Variants in GLDC observed in about 807,000 individuals in gnomAD.
GLDC encodes glycine decarboxylase, also known as glycine dehydrogenase (decarboxylating), mitochondrial.
Under a neutral mutation model 121.3 loss-of-function variants are expected in GLDC, and 104 were observed. The ratio of observed to expected loss-of-function variants is 0.86; its 90% confidence interval spans 0.73 to 1.01. The LOEUF (loss-of-function observed/expected upper bound fraction) is 1.01. Ranked by LOEUF, GLDC falls within the 50% of genes least tolerant of loss-of-function variation. The pLI is 0.00. For synonymous variants in GLDC, 546 were observed against 480.6 expected (o/e 1.14, Z -1.78); for missense variants, 1,429 against 1,306.6 (o/e 1.09, Z -1.44).
rs199516238 is a variant in GLDC at position 6,592,233 on chromosome 9, C to T, written c.1402-10G>A. On this transcript the variant is annotated splice_polypyrimidine_tract_variant and intron_variant, in intron 10 of 24. Transcript: ENST00000321612. ...CAAGAGAAATACCAAGCTACAGAAA[C>T]ACAAACAAAATGGAAAACATCAACT... is the stretch of plus-strand genomic sequence containing the variant. 2.6e-6 allele frequency: 4 copies of T among 1,553,558 alleles called. No homozygotes were observed. Among genetic ancestry groups the T allele is most frequent in the Non-Finnish European group, 3.6e-6 (4 of 1,125,828 alleles).
At chr9:6,610,581 T>C (rs1418517018) in intron 3 of GLDC, among the ~76,000 whole-genome samples, 4 of 152,152 alleles carry the variant, frequency 2.6e-5, no homozygotes, top group African/African-American at 9.7e-5. Context: ...TTTCTATCTC[T>C]CTGGTGTTGT....
intron 19 of GLDC, 49 bp from the exon 20 acceptor site, chr9:6,553,558 A>C: frequency 6.3e-7 from 1 of 1,587,048 alleles, no homozygotes; most frequent in Non-Finnish European, 8.7e-7. Flanking sequence ...GATTCAGTTT[A>C]ATCTAATGGG....
At chr9:6,567,128 T>TA (rs1817869858) in intron 15 of GLDC, 1 of 146,972 alleles carries the variant, frequency 6.8e-6, no homozygotes. Context: ...TTAGCTAAAA[T>TA]AAAAAATAAA....
chr9:6,645,269 CTCTCTCTGG>C lies in GLDC; in HGVS notation c.222_230del (p.Asp74_Arg76del). 1 of 1,601,618 alleles carries C rather than the reference CTCTCTCTGG, an allele frequency of 6.2e-7. No homozygotes were observed. Among genetic ancestry groups the C allele is most frequent in the Non-Finnish European group, 8.5e-7 (1 of 1,174,080 alleles). On this transcript the variant is annotated inframe_deletion, in exon 1 of 25. Coordinates refer to ENST00000321612, the MANE Select transcript of GLDC (RefSeq NM_000170.3). ...CCGCCAGCCCCAAGGTCTGCAGCAT[CTCTCTCTGG>C]TCTTTGTCCCCAGGGCCGATGTGCC...
intron 15 of GLDC, among the ~76,000 whole-genome samples, chr9:6,575,905 T>G (rs1181534587): frequency 2.6e-5 from 4 of 152,072 alleles, no homozygotes; most frequent in Admixed American, 6.5e-5. Flanking sequence ...CAGTGGGAAA[T>G]GAAAAGGTAA....
In GLDC at chr9:6,589,093, A is replaced by T. The variant is rs1020615473; in HGVS notation, c.1580+102T>A. On this transcript the variant is annotated intron_variant, in intron 12 of 24. Transcript: ENST00000321612. ...TACTTGGGAGCCACGGCTGAGCCAG[A>T]ATAACCAGGCCACAGCAGGCGAAAT... 4 of 806,742 alleles carry T rather than the reference A, an allele frequency of 5.0e-6. No homozygotes were observed. The African/African-American group carries it at 5.0e-5, about 10-fold the overall frequency. The allele number at this position is 806,742 out of a possible 1,614,324, so 50.0% of individuals were successfully genotyped here. A position where few individuals can be genotyped will look rare whatever the true frequency, so the allele number is the denominator to read the frequency against.
intron 2 of GLDC, among the ~76,000 whole-genome samples, chr9:6,637,635 T>G (rs1376297389): frequency 6.6e-6 from 1 of 151,834 alleles, no homozygotes; most frequent in Non-Finnish European, 1.5e-5. Context: ...GCCAGCTAAT[T>G]TTTGTATTTT....
intron 15 of GLDC, among the ~76,000 whole-genome samples, chr9:6,583,779 T>C (rs1254660321): frequency 1.3e-5 from 2 of 152,172 alleles, no homozygotes; most frequent in African/African-American, 4.8e-5. Flanking sequence ...GGACAAATAT[T>C]GTATGATCCA....
At chr9:6,546,837 C>T (rs975614045) in intron 21 of GLDC, among the ~76,000 whole-genome samples, 3 of 151,962 alleles carry the variant, frequency 2.0e-5, no homozygotes, top group Non-Finnish European at 4.4e-5. Flanking sequence ...TGATGAACAC[C>T]TGTAGTCCCA....
chr9:6,533,582 G>C lies in GLDC; in HGVS notation c.2920-422C>G, dbSNP rs996681310. Among the ~76,000 whole-genome samples the C allele has an allele frequency of 2.0e-5, 3 of 150,878 alleles. No homozygotes were observed. The East Asian group carries it at 5.9e-4, about 30-fold the overall frequency. On this transcript the variant is annotated intron_variant, in intron 24 of 24. Transcript: ENST00000321612. ...GATTTAAAAGTTAATTTCTCGGCTG[G>C]GCGCAGTGGCTCGTGCCTTTAATCC...
intron 22 of GLDC, among the ~76,000 whole-genome samples, chr9:6,538,563 A>G (rs773459654): frequency 1.3e-5 from 2 of 152,220 alleles, no homozygotes; most frequent in African/African-American, 4.8e-5. Context: ...CTATGTGTTG[A>G]GTGCCTACTA....
At chr9:6,580,540 G>C (rs1818153610) in intron 15 of GLDC, among the ~76,000 whole-genome samples, 1 of 152,098 alleles carries the variant, frequency 6.6e-6, no homozygotes. Flanking sequence ...CCTCTAATTA[G>C]ACCTTGCCAA....
At chr9:6,563,864 G>C (rs1817803769) in intron 16 of GLDC, among the ~76,000 whole-genome samples, 1 of 152,076 alleles carries the variant, frequency 6.6e-6, no homozygotes. Context: ...GCCAGGTGCA[G>C]AGGGTCATGC....
intron 9 of GLDC, among the ~76,000 whole-genome samples, chr9:6,594,455 A>C (rs745662851): frequency 1.3e-4 from 20 of 152,046 alleles, no homozygotes; most frequent in Non-Finnish European, 2.4e-4. Context: ...CAGCACTTTG[A>C]GAGGCCAAAG....
chr9:6,554,528 C>G (rs1372709690), intron 19 of GLDC, 141 bp downstream of exon 19: 46 of 717,490 alleles, frequency 6.4e-5, no homozygotes, highest in Non-Finnish European at 9.8e-5. Flanking sequence ...TTTGCTGCTC[C>G]TCCCCCAGCC....
chr9:6,613,771 T>C (rs752108235), intron 3 of GLDC, among the ~76,000 whole-genome samples: 1 of 151,972 alleles, frequency 6.6e-6, no homozygotes, highest in Non-Finnish European at 1.5e-5. Context: ...TGATAACTAG[T>C]TTTTTGGGGT....
rs535706461 is a variant in GLDC at position 6,574,096 on chromosome 9, C to A, written c.1851-8667G>T. ...CCATAATTAACCTTTGCTATCTAGTCAAAAAACGTAGATAAATCAGCTGGT... is the reference window on the plus strand; with the variant it reads ...CCATAATTAACCTTTGCTATCTAGTAAAAAAACGTAGATAAATCAGCTGGT... On this transcript the variant is annotated intron_variant, in intron 15 of 24. Transcript: ENST00000321612. Among the ~76,000 whole-genome samples, 19 of 152,226 alleles carry A rather than the reference C, an allele frequency of 1.2e-4. No homozygotes were observed. In the East Asian group the frequency reaches 3.7e-3, roughly 29 times the overall value.
intron 18 of GLDC, 47 bp from the exon 19 acceptor site, chr9:6,554,828 C>T (rs1817586946): frequency 7.0e-7 from 1 of 1,428,020 alleles, no homozygotes; most frequent in South Asian, 1.2e-5. Context: ...AGCTTGGAAG[C>T]ACCCTCCAGT....
chr9:6,626,215 G>C (rs527475868), intron 2 of GLDC, among the ~76,000 whole-genome samples: 3 of 151,942 alleles, frequency 2.0e-5, no homozygotes, highest in Admixed American at 2.0e-4. Flanking sequence ...AGTTTTATGG[G>C]TCTGCAGCAG....
Sources: gnomAD v4.1 joint callset for allele counts (sites outside exome capture counted in the v4.1 genomes callset) on GRCh38, gnomAD v4.1.1 for gene constraint, MANE v1.5 for transcripts, NCBI Gene and HGNC (gene_info 2026-07-23, HGNC 2026-07-21) for gene names.